The following COP1 variants were observed in gnomAD, a reference collection of about 807,000 sequenced individuals.
The protein encoded by COP1 is E3 ubiquitin-protein ligase COP1.
Under a neutral mutation model 101.3 loss-of-function variants are expected in COP1, and 24 were observed. The ratio of observed to expected loss-of-function variants is 0.24; its 90% CI spans 0.17 to 0.33. The LOEUF (loss-of-function observed/expected upper bound fraction) is 0.33, where lower values mean the gene tolerates loss of function less well. Among genes scored for constraint, COP1 ranks in the 10% least tolerant of loss-of-function variants. The pLI, the probability that COP1 is intolerant of heterozygous loss-of-function variation, is 1.00. For missense variants in COP1, 663 were observed against 906.2 expected (o/e 0.73, Z 3.45); for synonymous variants, 347 against 341.9 (o/e 1.01, Z -0.17).
chr1:176,139,298 AAAC>A (rs1372078890), intron 6 of COP1, among the ~76,000 whole-genome samples: 2 of 146,552 alleles, frequency 1.4e-5, no homozygotes, highest in Non-Finnish European at 3.1e-5. Context: ...CAAAAAAAAA[AAAC>A]AAAAAAAGAG....
chr1:176,188,689 G>A lies in COP1; in HGVS notation c.408-3997C>T, dbSNP rs568433316. Among the ~76,000 whole-genome samples, 7 of 152,044 alleles carry A rather than the reference G, an allele frequency of 4.6e-5. No homozygotes were observed. In the East Asian group the frequency reaches 5.8e-4, roughly 13 times the overall value. ...ATCAGTGATCTTTGATGTTACTACC[G>A]TAACTGTTTTGGGGAGCCACAAATT... On this transcript the variant is annotated intron_variant, in intron 1 of 19. Transcript: ENST00000367669.
intron 11 of COP1, among the ~76,000 whole-genome samples, chr1:176,073,292 T>C (rs1677345317): frequency 6.6e-6 from 1 of 152,190 alleles, no homozygotes; most frequent in Non-Finnish European, 1.5e-5. Flanking sequence ...CCACCATAGA[T>C]AACTATTTTC....
intron 11 of COP1, among the ~76,000 whole-genome samples, chr1:176,048,438 G>C (rs1410544064): frequency 6.6e-6 from 1 of 152,044 alleles, no homozygotes; most frequent in East Asian, 1.9e-4. Flanking sequence ...CAATGCAGTA[G>C]ATTTATTTGT....
intron 9 of COP1, among the ~76,000 whole-genome samples, chr1:176,094,851 G>A (rs987917699): frequency 9.2e-5 from 14 of 151,996 alleles, no homozygotes; most frequent in Non-Finnish European, 1.9e-4. Context: ...CATGAAAACA[G>A]AAAAGCAGCA....
chr1:176,135,101 A>G lies in COP1; in HGVS notation c.892-15T>C, dbSNP rs767108980. 6.8e-5 allele frequency: 104 copies of G among 1,521,192 alleles called. No individual in the cohort carries two copies. Among genetic ancestry groups the G allele is most frequent in the Non-Finnish European group, 3.7e-5 (41 of 1,098,618 alleles). 94.2% of individuals were successfully genotyped at this position (1,521,192 alleles called of 1,614,324 possible). ...CCACTCATTTCCTGAAAATAAAATTATTTGAATTATAGTAGATATTTCAAA... is the reference window on the plus strand; with the variant it reads ...CCACTCATTTCCTGAAAATAAAATTGTTTGAATTATAGTAGATATTTCAAA... On this transcript the variant is annotated splice_polypyrimidine_tract_variant and intron_variant, in intron 7 of 19. Transcript: ENST00000367669.
chr1:176,072,512 C>G (rs1466163812), intron 11 of COP1, among the ~76,000 whole-genome samples: 2 of 152,200 alleles, frequency 1.3e-5, no homozygotes, highest in South Asian at 4.1e-4. Flanking sequence ...CATTTCTCAA[C>G]CAACCCCAGA....
chr1:176,010,634 T>G (rs1269814462), intron 15 of COP1, among the ~76,000 whole-genome samples: 1 of 152,218 alleles, frequency 6.6e-6, no homozygotes, highest in African/African-American at 2.4e-5. Context: ...TTTGTTCCAA[T>G]GGTGATGCCA....
intron 8 of COP1, among the ~76,000 whole-genome samples, chr1:176,125,198 C>T (rs1350151432): frequency 6.6e-6 from 1 of 152,064 alleles, no homozygotes; most frequent in East Asian, 1.9e-4. Flanking sequence ...TTCTCCAATT[C>T]TGTGGGTTGT....
At chr1:176,008,070 G>C (rs888146221) in intron 15 of COP1, among the ~76,000 whole-genome samples, 5 of 152,224 alleles carry the variant, frequency 3.3e-5, no homozygotes, top group African/African-American at 1.2e-4. Flanking sequence ...AAGCCGGTCG[G>C]AAAAGCGCAG....
At chr1:176,020,600 C>T (rs960768203) in intron 15 of COP1, among the ~76,000 whole-genome samples, 1 of 152,156 alleles carries the variant, frequency 6.6e-6, no homozygotes, top group African/African-American at 2.4e-5. Flanking sequence ...ATCGCTCTAC[C>T]TGTGCGGTGG....
intron 18 of COP1, among the ~76,000 whole-genome samples, chr1:175,985,920 A>G (rs2148715656): frequency 6.6e-6 from 1 of 152,326 alleles, no homozygotes; most frequent in South Asian, 2.1e-4. Context: ...ATTACATATC[A>G]AGTCAGAATT....
rs140993751 is a variant in COP1, at chr1:176,178,225, C to T, written c.468-2218G>A. On this transcript the variant is annotated intron_variant, in intron 2 of 19. Coordinates refer to ENST00000367669, the MANE Select transcript of COP1 (RefSeq NM_022457.7). ...AAGAATCACAACATGAAGAAATTTACAGTCTGCTTAGGGAAAAAGGAAATG... is the reference window on the plus strand; with the variant it reads ...AAGAATCACAACATGAAGAAATTTATAGTCTGCTTAGGGAAAAAGGAAATG... Among the ~76,000 whole-genome samples the T allele has an allele frequency of 2.6e-3, 398 of 151,762 alleles. 3 individuals are homozygous for T. The highest frequency in any genetic ancestry group is 9.2e-3 in the African/African-American group (380 of 41,304).
At chr1:176,117,994 C>G (rs1686494970) in intron 8 of COP1, among the ~76,000 whole-genome samples, 1 of 152,160 alleles carries the variant, frequency 6.6e-6, no homozygotes. Context: ...TAGAATGGTT[C>G]TATATGTAAA....
chr1:175,987,303 A>G (rs1287501044), intron 17 of COP1, among the ~76,000 whole-genome samples, 200 bp from the exon 18 acceptor site: 2 of 152,192 alleles, frequency 1.3e-5, no homozygotes, highest in Non-Finnish European at 2.9e-5. Flanking sequence ...TAATCTAAAG[A>G]AACAATCAGT....
At chr1:176,177,094 T>G (rs1697061141) in intron 2 of COP1, among the ~76,000 whole-genome samples, 1 of 152,080 alleles carries the variant, frequency 6.6e-6, no homozygotes, top group African/African-American at 2.4e-5. Context: ...ACTAAATAAA[T>G]TTGTAAACAT....
intron 8 of COP1, among the ~76,000 whole-genome samples, chr1:176,124,898 T>G (rs1687763863): frequency 6.6e-6 from 1 of 152,170 alleles, no homozygotes. Flanking sequence ...CATACAAGGG[T>G]TCCCTTTTCT....
chr1:176,045,147 C>T (rs908931508), intron 12 of COP1, among the ~76,000 whole-genome samples: 1 of 152,114 alleles, frequency 6.6e-6, no homozygotes, highest in Non-Finnish European at 1.5e-5. Context: ...CTGTGCTCAG[C>T]TTTCTTTGTA....
chr1:176,065,582 G>A (rs137869412), intron 11 of COP1, among the ~76,000 whole-genome samples: 52 of 152,170 alleles, frequency 3.4e-4, no homozygotes, highest in African/African-American at 1.2e-3. Context: ...TGAGGACAAT[G>A]GAAAAAGAGT....
At chr1:176,023,095 G>T (rs1667036071) in intron 15 of COP1, among the ~76,000 whole-genome samples, 2 of 152,114 alleles carry the variant, frequency 1.3e-5, no homozygotes, top group Admixed American at 6.5e-5. Context: ...TCATGTTCTT[G>T]ATTTCAATAG....
Sources: allele counts gnomAD v4.1 joint callset (sites outside exome capture counted in the v4.1 genomes callset), GRCh38; gene constraint gnomAD v4.1.1; transcripts MANE v1.5; gene names NCBI Gene and HGNC (gene_info 2026-07-23, HGNC 2026-07-21).